ATF6: variants seen among roughly 807,000 people sequenced by gnomAD.
The protein encoded by ATF6 is activating transcription factor 6.
In ATF6, 53 loss-of-function variants were observed where a neutral mutation model predicts 83.6. The observed-to-expected ratio is 0.63, with a 90% CI of 0.51 to 0.80. The LOEUF (loss-of-function observed/expected upper bound fraction) is 0.80, where lower values mean the gene tolerates loss of function less well. Among genes scored for constraint, ATF6 ranks in the 30% least tolerant of loss-of-function variants. The pLI, the probability that ATF6 is intolerant of heterozygous loss-of-function variation, is 0.00. For missense variants in ATF6, 744 were observed against 797.9 expected (o/e 0.93, Z 0.81); for synonymous variants, 288 against 285.8 (o/e 1.01, Z -0.08).
At chr1:161,776,574 T>G (rs544009616) in intron 1 of ATF6, among the ~76,000 whole-genome samples, 8 of 151,118 alleles carry the variant, frequency 5.3e-5, no homozygotes, top group Non-Finnish European at 8.8e-5. Flanking sequence ...GTAGATTGAT[T>G]ATGGAGAGTG....
intron 9 of ATF6, among the ~76,000 whole-genome samples, chr1:161,826,774 A>G (rs1685910731): frequency 6.6e-6 from 1 of 152,176 alleles, no homozygotes; most frequent in Admixed American, 6.5e-5. Flanking sequence ...AAAACCAAGA[A>G]CTATTTCTTG....
In ATF6 at chr1:161,807,863, A is replaced by ATTTTTTTT. The variant is rs1557971141; in HGVS notation, c.909+5592_909+5593insTTTTTTTT. ...TACTTTTTGTACTTTTTAGTTTGTC[A>ATTTTTTTT]TCTTTTTTTTTTTTTTTTTTTTTTT... On this transcript the variant is annotated intron_variant, in intron 7 of 15. Transcript: ENST00000367942. 5.7e-4 allele frequency among the ~76,000 whole-genome samples: 31 copies of ATTTTTTTT among 54,794 alleles called. 2 individuals carry two copies. Among genetic ancestry groups the ATTTTTTTT allele is most frequent in the Middle Eastern group, 8.3e-3 (1 of 120 alleles). 35.9% of individuals were successfully genotyped at this position (54,794 alleles called of 152,430 possible).
At chr1:161,889,381 C>G (rs1369689523) in intron 14 of ATF6, among the ~76,000 whole-genome samples, 1 of 152,232 alleles carries the variant, frequency 6.6e-6, no homozygotes, top group Non-Finnish European at 1.5e-5. Flanking sequence ...CCTCTGCTGT[C>G]GCTTCCCTTC....
intron 6 of ATF6, among the ~76,000 whole-genome samples, chr1:161,800,752 T>C (rs947572505): frequency 9.2e-5 from 14 of 152,216 alleles, no homozygotes; most frequent in African/African-American, 2.7e-4. Context: ...TCAGAAGCAG[T>C]TGAGAGACTG....
intron 15 of ATF6, among the ~76,000 whole-genome samples, chr1:161,918,804 G>A (rs1459748457): frequency 6.6e-6 from 1 of 152,190 alleles, no homozygotes; most frequent in East Asian, 1.9e-4. Flanking sequence ...TGGAGAGGGT[G>A]GCAAAGGATA....
chr1:161,908,631 G>A (rs1290069423), intron 14 of ATF6, among the ~76,000 whole-genome samples: 4 of 147,140 alleles, frequency 2.7e-5, no homozygotes, highest in African/African-American at 7.6e-5. Context: ...AAATCCTATA[G>A]TATCTAAGCC....
chr1:161,813,257 G>A (rs1685519871), intron 7 of ATF6, among the ~76,000 whole-genome samples: 1 of 152,100 alleles, frequency 6.6e-6, no homozygotes, highest in Non-Finnish European at 1.5e-5. Context: ...AGGGACAAAG[G>A]TTTAGAAAGA....
intron 14 of ATF6, among the ~76,000 whole-genome samples, chr1:161,900,350 C>G (rs1687757665): frequency 6.6e-6 from 1 of 152,030 alleles, no homozygotes. Context: ...GAATAGTACT[C>G]AACTTTTGCT....
intron 9 of ATF6, among the ~76,000 whole-genome samples, chr1:161,825,192 T>G (rs1685863834): frequency 6.6e-6 from 1 of 152,178 alleles, no homozygotes; most frequent in Non-Finnish European, 1.5e-5. Flanking sequence ...CCCCCGATCC[T>G]CAGTCTCCTA....
rs912736760 is a variant in ATF6, at chr1:161,890,220, A to G, written c.1720-22076A>G. 5.3e-5 allele frequency among the ~76,000 whole-genome samples: 8 copies of G among 152,350 alleles called. 2 individuals carry two copies. Among genetic ancestry groups the G allele is most frequent in the Admixed American group, 5.2e-4 (8 of 15,306 alleles). On this transcript the variant is annotated intron_variant, in intron 14 of 15. Transcript: ENST00000367942. ...ATTCAGATTTTGTTAATTGTCCCCA[A>G]AAAGATGAGTTTAGGAAGAGTCATA...
At chr1:161,769,532 G>A (rs537392398) in intron 1 of ATF6, among the ~76,000 whole-genome samples, 61 of 152,310 alleles carry the variant, frequency 4.0e-4, no homozygotes, top group Admixed American at 8.5e-4. Flanking sequence ...TGGGGACAGG[G>A]AGGCACAGGA....
chr1:161,920,515 C>T (rs543224550), intron 15 of ATF6, among the ~76,000 whole-genome samples: 19 of 151,894 alleles, frequency 1.3e-4, no homozygotes, highest in Non-Finnish European at 2.4e-4. Context: ...AGGGTGGTCT[C>T]GATCTCCTGA....
At chr1:161,767,313 G>T (rs1684287508) in intron 1 of ATF6, among the ~76,000 whole-genome samples, 1 of 152,190 alleles carries the variant, frequency 6.6e-6, no homozygotes, top group African/African-American at 2.4e-5. Context: ...TCAATAGCAG[G>T]AGTGGAAGGA....
chr1:161,826,009 G>C (rs1173864443), intron 9 of ATF6, among the ~76,000 whole-genome samples: 1 of 152,106 alleles, frequency 6.6e-6, no homozygotes, highest in Non-Finnish European at 1.5e-5. Context: ...GAAATTCCAA[G>C]GGTTTTAGGA....
intron 9 of ATF6, among the ~76,000 whole-genome samples, chr1:161,828,453 G>A (rs551670773): frequency 3.9e-5 from 6 of 152,110 alleles, no homozygotes; most frequent in Non-Finnish European, 7.4e-5. Flanking sequence ...TCCTTGCGGC[G>A]TAGTGTCTGG....
intron 15 of ATF6, among the ~76,000 whole-genome samples, chr1:161,915,627 T>TC (rs1333319841): frequency 6.1e-4 from 92 of 151,876 alleles, no homozygotes; most frequent in Non-Finnish European, 9.6e-4. Context: ...CAAATGTCTT[T>TC]TTTTTTTTTT....
At chr1:161,883,742 C>T (rs1191923012) in intron 14 of ATF6, among the ~76,000 whole-genome samples, 4 of 151,902 alleles carry the variant, frequency 2.6e-5, no homozygotes, top group Non-Finnish European at 5.9e-5. Flanking sequence ...AGCATAGGTT[C>T]TGTAATTGTT....
intron 7 of ATF6, among the ~76,000 whole-genome samples, chr1:161,812,865 CAG>C (rs1268569480): frequency 4.0e-5 from 6 of 151,518 alleles, no homozygotes; most frequent in South Asian, 4.2e-4. Flanking sequence ...TTATAGCTTA[CAG>C]AGAACCTTCA....
At chr1:161,931,694 A>G (rs1178257982) in intron 15 of ATF6, among the ~76,000 whole-genome samples, 5 of 152,192 alleles carry the variant, frequency 3.3e-5, no homozygotes, top group African/African-American at 7.2e-5. Context: ...AGAACTGTCT[A>G]TTCAAAACAT....
Sources: allele counts gnomAD v4.1 joint callset (sites outside exome capture counted in the v4.1 genomes callset), GRCh38; gene constraint gnomAD v4.1.1; transcripts MANE v1.5; gene names NCBI Gene and HGNC (gene_info 2026-07-23, HGNC 2026-07-21).